Variants in TPCN2 observed in about 807,000 individuals in gnomAD.
TPCN2 encodes two pore segment channel 2, also known as two pore channel protein 2.
A neutral mutation model predicts 111.4 loss-of-function variants in TPCN2; 92 were observed. The observed-to-expected ratio is 0.83, with a 90% CI of 0.70 to 0.98. The LOEUF is 0.98. Among genes scored for constraint, TPCN2 ranks in the 50% least tolerant of loss-of-function variants. The pLI, the probability that TPCN2 is intolerant of heterozygous loss-of-function variation, is 0.00. For missense variants in TPCN2, 995 were observed against 980.1 expected (o/e 1.02, Z -0.20); for synonymous variants, 405 against 414.5 (o/e 0.98, Z 0.28).
chr11:69,049,283 G>A (rs1861105475), intron 1 of TPCN2, among the ~76,000 whole-genome samples, 177 bp downstream of exon 1: 1 of 152,186 alleles, frequency 6.6e-6, no homozygotes, highest in African/African-American at 2.4e-5. Flanking sequence ...CGAGTGGGCT[G>A]CGTCCTGCGG....
intron 11 of TPCN2, 67 bp downstream of exon 11, chr11:69,072,090 G>T: frequency 7.3e-7 from 1 of 1,370,512 alleles, no homozygotes; most frequent in Non-Finnish European, 1.0e-6. Context: ...CAGGGGCCGG[G>T]TGTTCATTAG....
intron 23 of TPCN2, 84 bp from the exon 24 acceptor site, chr11:69,087,028 G>T (rs1856312408): frequency 2.4e-6 from 3 of 1,224,576 alleles, no homozygotes; most frequent in Non-Finnish European, 2.4e-6. Context: ...GGTGCCCTGT[G>T]GCTGACCCTG....
At chr11:69,085,167 C>A (rs1311090691) in intron 19 of TPCN2, 43 bp from the exon 20 acceptor site, 2 of 1,582,994 alleles carry the variant, frequency 1.3e-6, no homozygotes, top group Non-Finnish European at 1.7e-6. Context: ...GGTGGGTGCA[C>A]CCATGGGTGG....
Position 69,071,217 on chromosome 11 carries a change from C to A in TPCN2, c.896-139C>A. The A allele has an allele frequency of 4.4e-6, 3 of 689,292 alleles. No homozygotes were observed. The South Asian group carries it at 4.9e-5, about 11-fold the overall frequency. The allele number at this position is 689,292 out of a possible 1,614,324, so 42.7% of individuals were successfully genotyped here. On this transcript the variant is annotated intron_variant, in intron 9 of 24. Transcript: ENST00000294309. ...ACCATTGACCTCGTCATCCTCCCAC[C>A]TGTGACTGCGCTGGCCAGGCCATGT...
intron 13 of TPCN2, among the ~76,000 whole-genome samples, chr11:69,077,000 CCA>C (rs1418798771): frequency 1.5e-4 from 17 of 113,782 alleles, no homozygotes; most frequent in Non-Finnish European, 2.2e-4. Flanking sequence ...TGCCCTCCTG[CCA>C]CGTCCCTCCA....
At chr11:69,082,958 C>T (rs1056363311) in intron 18 of TPCN2, among the ~76,000 whole-genome samples, 1 of 151,154 alleles carries the variant, frequency 6.6e-6, no homozygotes, top group Admixed American at 6.6e-5. Context: ...GTGCACACAT[C>T]GCATGCAGAT....
intron 13 of TPCN2, among the ~76,000 whole-genome samples, chr11:69,074,713 C>T (rs376696275): frequency 3.9e-5 from 6 of 152,084 alleles, no homozygotes; most frequent in African/African-American, 7.2e-5. Flanking sequence ...AGAAGGTGTT[C>T]GTATGTTAGC....
At position 69,055,179 on chromosome 11, in the gene TPCN2, T is replaced by G. The variant is rs1454173145; in HGVS notation, c.256T>G (p.Leu86Val). 3 of 1,613,998 alleles carry G rather than the reference T, an allele frequency of 1.9e-6. No individual in the cohort carries two copies. In the Admixed American group the frequency reaches 5.0e-5, roughly 27 times the overall value. Residue 86 changes from leucine to valine, a missense_variant, in exon 4 of 25, where the codon TTG (leucine) becomes GTG (valine). Transcript: ENST00000294309. ...RYYSNVCQRT[L>V]SFTIFLILFL... is the part of the protein sequence containing the mutation. ...ATGTTTCTGTCCCCTTTCCAGGACT[T>G]TGAGCTTCACCATCTTCTTGATCCT... is the stretch of plus-strand genomic sequence containing the variant.
At chr11:69,055,108 C>T (rs1854696648) in intron 3 of TPCN2, 67 bp from the exon 4 acceptor site, 2 of 1,552,106 alleles carry the variant, frequency 1.3e-6, no homozygotes, top group Admixed American at 1.8e-5. Context: ...TGGGGAAGCT[C>T]CTGACCAGCC....
At chr11:69,051,849 C>T (rs1861241278) in intron 1 of TPCN2, among the ~76,000 whole-genome samples, 1 of 152,084 alleles carries the variant, frequency 6.6e-6, no homozygotes, top group African/African-American at 2.4e-5. Flanking sequence ...TTGGCAGAGC[C>T]CAGTTCGGAA....
Position 69,086,547 on chromosome 11 carries a change from G to A in TPCN2, c.2028G>A (p.Leu676=), listed in dbSNP as rs983478355. The A allele has an allele frequency of 6.2e-7, 1 of 1,614,130 alleles. No individual in the cohort carries two copies. Among genetic ancestry groups the A allele is most frequent in the Non-Finnish European group, 8.5e-7 (1 of 1,179,994 alleles). Residue 676 remains leucine, a synonymous_variant, in exon 23 of 25, where the codon TTG becomes TTA. Coordinates refer to ENST00000294309, the MANE Select transcript of TPCN2 (RefSeq NM_139075.4). ...SGPWSKIYFV[L]WWLVSSVIWV... is the part of the protein sequence containing the mutation. ...GGTGGTCCAAGATCTATTTTGTATTGTGGTGGCTGGTGTCGTCTGTCATCT... is the reference window on the plus strand; with the variant it reads ...GGTGGTCCAAGATCTATTTTGTATTATGGTGGCTGGTGTCGTCTGTCATCT...
chr11:69,053,305 C>T (rs1861318037), intron 1 of TPCN2, among the ~76,000 whole-genome samples: 1 of 152,232 alleles, frequency 6.6e-6, no homozygotes, highest in Non-Finnish European at 1.5e-5. Context: ...TCGGGCGTTC[C>T]TGCAGCTCTG....
At chr11:69,079,734 T>A in intron 16 of TPCN2, 100 bp from the exon 17 acceptor site, 1 of 1,135,050 alleles carries the variant, frequency 8.8e-7, no homozygotes, top group Non-Finnish European at 1.3e-6. Flanking sequence ...AAGCCCCTTT[T>A]GGGGAGAATG....
At chr11:69,084,943 C>A in intron 19 of TPCN2, 1 of 438,346 alleles carries the variant, frequency 2.3e-6, no homozygotes, top group Non-Finnish European at 3.0e-6. Context: ...CTAACTGTGG[C>A]TGCCAGGGTA....
intron 15 of TPCN2, 43 bp from the exon 16 acceptor site, chr11:69,078,849 A>C: frequency 6.2e-7 from 1 of 1,614,086 alleles, no homozygotes; most frequent in Non-Finnish European, 8.5e-7. Flanking sequence ...CAGTGCTGGC[A>C]GCCCTGGGGC....
intron 16 of TPCN2, chr11:69,079,560 G>A (rs1344957366): frequency 2.4e-6 from 1 of 416,288 alleles, no homozygotes; most frequent in Non-Finnish European, 4.3e-6. Context: ...TTTGAAAAGG[G>A]CCCTGCAGTC....
rs886737320 is a variant in TPCN2, at chr11:69,085,914, C to T, written c.1987C>T (p.Arg663Trp). ...CTGGCAGGTGTTTCTGGATGCATATCGGCGCTACTCAGGCCCGTGAGTCCT... is the reference window on the plus strand; with the variant it reads ...CTGGCAGGTGTTTCTGGATGCATATTGGCGCTACTCAGGCCCGTGAGTCCT... ...NNWQVFLDAY[R>W]RYSGPWSKIY... is the part of the protein sequence containing the mutation. Residue 663 changes from arginine (R) to tryptophan (W), a missense_variant, in exon 22 of 25, where the codon CGG becomes TGG. Transcript: ENST00000294309. The T allele has an allele frequency of 8.7e-6, 14 of 1,613,972 alleles. No homozygotes were observed. Among genetic ancestry groups the T allele is most frequent in the South Asian group, 5.5e-5 (5 of 91,072 alleles).
At chr11:69,067,641 G>T (rs1237939675) in intron 8 of TPCN2, 36 bp downstream of exon 8, 2 of 1,604,454 alleles carry the variant, frequency 1.2e-6, no homozygotes, top group Middle Eastern at 1.7e-4. Flanking sequence ...GTGGGGGTCG[G>T]TGAGCCCAGC....
At position 69,070,496 on chromosome 11, in the gene TPCN2, G is replaced by T. The variant is rs1197074783; in HGVS notation, c.895+1G>T. ...TTCTTCATAGTCTTCACTGTGATAG[G>T]TGAGTGCAGGTAACGTGGCCAGCAT... is the stretch of plus-strand genomic sequence containing the variant. On this transcript the variant is annotated splice_donor_variant, in intron 9 of 24. Coordinates refer to ENST00000294309, the MANE Select transcript of TPCN2 (RefSeq NM_139075.4). LOFTEE classifies it high-confidence loss of function. 2 of 1,603,588 alleles carry T rather than the reference G, an allele frequency of 1.2e-6. No homozygotes were observed. The highest frequency in any genetic ancestry group is 3.4e-5 in the Admixed American group (2 of 58,402).
Sources: gnomAD v4.1 joint callset for allele counts (sites outside exome capture counted in the v4.1 genomes callset) on GRCh38, gnomAD v4.1.1 for gene constraint, MANE v1.5 for transcripts, NCBI Gene and HGNC (gene_info 2026-07-23, HGNC 2026-07-21) for gene names.